The following ACACB variants were observed in gnomAD, a reference collection of about 807,000 sequenced individuals.
ACACB encodes the protein acetyl-CoA carboxylase beta.
In ACACB, 209 loss-of-function variants were observed where a neutral mutation model predicts 278.8. The observed-to-expected ratio is 0.75, with a 90% confidence interval of 0.67 to 0.84. The LOEUF (loss-of-function observed/expected upper bound fraction) is 0.84, where lower values mean the gene tolerates loss of function less well. ACACB is among the 40% of genes least tolerant of loss of function. The pLI is 0.00. For synonymous variants in ACACB, 1,174 were observed against 1,285.6 expected (o/e 0.91, Z 1.86); for missense variants, 2,850 against 3,269.0 (o/e 0.87, Z 3.13).
chr12:109,157,761 G>A lies in ACACB; in HGVS notation c.654-9100G>A, dbSNP rs570238699. Among the ~76,000 whole-genome samples the A allele has an allele frequency of 3.9e-5, 6 of 152,332 alleles. No individual in the cohort carries two copies. In the South Asian group the frequency reaches 8.3e-4, roughly 21 times the overall value. ...TCTAAGAAGCCAGAACTCCTGAGAA[G>A]GTGAGGTCGCAAATGATGACTGATT... is the stretch of plus-strand genomic sequence containing the variant. On this transcript the variant is annotated intron_variant, in intron 2 of 52. Coordinates refer to ENST00000338432, the MANE Select transcript of ACACB (RefSeq NM_001093.4).
rs139243454 is a variant in ACACB, at chr12:109,201,504, T to C, written c.2779-63T>C. 9.9e-5 allele frequency: 158 copies of C among 1,596,052 alleles called. 1 individual carries two copies. The African/African-American group carries it at 1.5e-3, about 15-fold the overall frequency. ...GCGTCCCTGCTCCGGCATCACTAGT[T>C]CTGGGTGGCTCTGGGTGTCAATCCC... On this transcript the variant is annotated intron_variant, in intron 18 of 52. Coordinates refer to ENST00000338432, the MANE Select transcript of ACACB (RefSeq NM_001093.4).
At chr12:109,133,847 ATATATATATATATATATT>A (rs1380515284) in intron 1 of ACACB, among the ~76,000 whole-genome samples, 2 of 41,542 alleles carry the variant, frequency 4.8e-5, no homozygotes, top group Admixed American at 2.6e-4. Flanking sequence ...ATATATATAT[ATATATATATATATATATT>A]TTTTTTTTTT....
Position 109,232,817 on chromosome 12 carries a change from T to C in ACACB, c.4139+11T>C, listed in dbSNP as rs760663480. 3 of 1,613,838 alleles carry C rather than the reference T, an allele frequency of 1.9e-6. No individual in the cohort carries two copies. The highest frequency in any genetic ancestry group is 2.2e-5 in the East Asian group (1 of 44,894). Reference sequence around the variant, plus strand: ...CGAGGACTTCACCAGGTACCCAGCATGGCCCGGTCTCCAACACCCTGAGCA... The same window carrying C: ...CGAGGACTTCACCAGGTACCCAGCACGGCCCGGTCTCCAACACCCTGAGCA... On this transcript the variant is annotated intron_variant, in intron 29 of 52. Coordinates refer to ENST00000338432, the MANE Select transcript of ACACB (RefSeq NM_001093.4).
intron 2 of ACACB, among the ~76,000 whole-genome samples, chr12:109,143,615 G>A (rs897984473): frequency 5.3e-5 from 8 of 152,180 alleles, no homozygotes; most frequent in Non-Finnish European, 1.2e-4. Context: ...TTAGCACCCA[G>A]GGGCAATGCG....
At chr12:109,172,785 C>T (rs2044160555) in intron 6 of ACACB, among the ~76,000 whole-genome samples, 2 of 152,180 alleles carry the variant, frequency 1.3e-5, no homozygotes, top group Admixed American at 1.3e-4. Flanking sequence ...AAAAATAGAA[C>T]TACCGTTTAA....
Position 109,167,034 on chromosome 12 carries a change from G to A in ACACB, c.786+41G>A, listed in dbSNP as rs370911307. On this transcript the variant is annotated intron_variant, in intron 3 of 52. Transcript: ENST00000338432. The stretch of plus-strand genomic sequence containing the variant: ...GGCACTCTGGGTGGGGTCCGATTGG[G>A]GTGCAGGGGCCCCTCCTCTCAGCTG... The A allele has an allele frequency of 3.8e-5, 62 of 1,612,002 alleles. 1 individual carries two copies. The South Asian group carries it at 6.5e-4, about 17-fold the overall frequency.
At chr12:109,122,572 CAA>C (rs59516728) in intron 1 of ACACB, among the ~76,000 whole-genome samples, 259 of 61,846 alleles carry the variant, frequency 4.2e-3, no homozygotes, top group East Asian at 0.012. Context: ...GACATTGTCT[CAA>C]AAAAAAAAAA....
At chr12:109,128,527 C>T (rs1423686993) in intron 1 of ACACB, among the ~76,000 whole-genome samples, 6 of 151,896 alleles carry the variant, frequency 4.0e-5, no homozygotes, top group African/African-American at 4.8e-5. Flanking sequence ...TTAGTAGAGA[C>T]GGGGTTTCAC....
intron 16 of ACACB, among the ~76,000 whole-genome samples, chr12:109,194,228 C>G (rs1172852682): frequency 2.0e-5 from 3 of 151,990 alleles, no homozygotes; most frequent in African/African-American, 4.8e-5. Flanking sequence ...CGGAGCCTCA[C>G]TCTGTCACCC....
intron 19 of ACACB, among the ~76,000 whole-genome samples, chr12:109,206,324 C>G (rs1175090337): frequency 6.6e-6 from 1 of 151,002 alleles, no homozygotes; most frequent in African/African-American, 2.4e-5. Flanking sequence ...GTCCCAGCTA[C>G]TCGGGAGACT....
chr12:109,129,183 T>C (rs2042758557), intron 1 of ACACB, among the ~76,000 whole-genome samples: 1 of 152,190 alleles, frequency 6.6e-6, no homozygotes, highest in Non-Finnish European at 1.5e-5. Context: ...GTAGTGACCG[T>C]GACCATCACT....
Position 109,226,230 on chromosome 12 carries a change from C to T in ACACB, c.3883-1141C>T, listed in dbSNP as rs558864178. ...AGGCTGCAGTGGGTTATGATCTCAC[C>T]ACTGTACTCCAGCCTGGGTGATGGA... On this transcript the variant is annotated intron_variant, in intron 27 of 52. Transcript: ENST00000338432. 2.0e-5 allele frequency among the ~76,000 whole-genome samples: 3 copies of T among 152,166 alleles called. No individual in the cohort carries two copies. The South Asian group carries it at 6.2e-4, about 32-fold the overall frequency.
At chr12:109,143,440 G>A (rs561487221) in intron 2 of ACACB, among the ~76,000 whole-genome samples, 5 of 142,474 alleles carry the variant, frequency 3.5e-5, no homozygotes, top group Non-Finnish European at 4.5e-5. Flanking sequence ...CCCAGCCTGG[G>A]TGACACAGGC....
intron 52 of ACACB, 39 bp downstream of exon 52, chr12:109,265,564 A>G (rs986253025): frequency 1.2e-6 from 2 of 1,606,568 alleles, no homozygotes; most frequent in African/African-American, 1.3e-5. Context: ...CCTCCTGGCA[A>G]GGACCCGAGC....
Position 109,256,131 on chromosome 12 carries a change from T to C in ACACB, c.6167-9T>C. On this transcript the variant is annotated splice_polypyrimidine_tract_variant and intron_variant, in intron 44 of 52. Transcript: ENST00000338432. The stretch of plus-strand genomic sequence containing the variant: ...CCTCCAGCCTGGGCTTCTGCCCTTC[T>C]GTCCACAGCTCTGAAGGGAACGTGG... The C allele has an allele frequency of 1.2e-6, 2 of 1,611,898 alleles. No homozygotes were observed. The highest frequency in any genetic ancestry group is 1.1e-5 in the South Asian group (1 of 91,018).
chr12:109,235,270 A>T, intron 31 of ACACB, 43 bp from the exon 32 acceptor site: 1 of 1,566,146 alleles, frequency 6.4e-7, no homozygotes, highest in Non-Finnish European at 8.8e-7. Context: ...AGTTCCTTTT[A>T]CGGCCAAATA....
intron 24 of ACACB, among the ~76,000 whole-genome samples, chr12:109,218,353 C>T (rs180821111): frequency 6.6e-6 from 1 of 150,862 alleles, no homozygotes; most frequent in Non-Finnish European, 1.5e-5. Context: ...AGACTCACAC[C>T]ACCACGCCCA....
intron 24 of ACACB, among the ~76,000 whole-genome samples, chr12:109,221,138 C>A (rs147599654): frequency 7.2e-4 from 110 of 152,206 alleles, no homozygotes; most frequent in African/African-American, 2.5e-3. Flanking sequence ...AGAACACTTT[C>A]CTACCACATT....
At chr12:109,230,861 G>C (rs1368743831) in intron 28 of ACACB, among the ~76,000 whole-genome samples, 1 of 152,160 alleles carries the variant, frequency 6.6e-6, no homozygotes, top group Non-Finnish European at 1.5e-5. Flanking sequence ...TTCAGTATGG[G>C]CACAGGGTCC....
Sources: allele counts gnomAD v4.1 joint callset (sites outside exome capture counted in the v4.1 genomes callset), GRCh38; gene constraint gnomAD v4.1.1; transcripts MANE v1.5; gene names NCBI Gene and HGNC (gene_info 2026-07-23, HGNC 2026-07-21).